MAMLD1: variants seen among roughly 807,000 people sequenced by gnomAD.
MAMLD1 encodes mastermind like domain containing 1.
Under a neutral mutation model 45.0 loss-of-function variants are expected in MAMLD1, and 14 were observed. The observed-to-expected ratio is 0.31, with a 90% CI of 0.21 to 0.49. The LOEUF is 0.49. Ranked by LOEUF, MAMLD1 falls within the 20% of genes least tolerant of loss-of-function variation. The pLI is 0.99. For synonymous variants in MAMLD1, 254 were observed against 247.8 expected, an observed-to-expected ratio of 1.02 and a Z score of -0.24; for missense variants, 543 against 603.6, an observed-to-expected ratio of 0.90 and a Z score of 1.05.
At chrX:150,452,759 C>A (rs1452426398) in intron 2 of MAMLD1, among the ~76,000 whole-genome samples, 17 of 79,579 alleles carry the variant, frequency 2.1e-4, no homozygotes, top group Non-Finnish European at 1.7e-4. Context: ...CCCCTCCCCC[C>A]ACCCCACAAC....
At chrX:150,440,825 C>T (rs1245631336) in intron 1 of MAMLD1, among the ~76,000 whole-genome samples, 4 of 103,374 alleles carry the variant, frequency 3.9e-5, no homozygotes, top group Non-Finnish European at 3.9e-5. Flanking sequence ...GTTTTTCTCT[C>T]TTTAATATTA....
Position 150,513,596 on chromosome X carries a change from T to C in MAMLD1, c.*1637T>C. On this transcript the variant is annotated 3_prime_UTR_variant, in exon 8 of 8. Transcript: ENST00000370401. The stretch of plus-strand genomic sequence containing the variant: ...CTATTGCCTTGTGTGATTCTTAATC[T>C]CTTTTGCGAACCTTTCAGTCTCCGC... 2 of 298,806 alleles carry C rather than the reference T, an allele frequency of 6.7e-6. No homozygotes were observed. Among genetic ancestry groups the C allele is most frequent in the Non-Finnish European group, 1.2e-5 (2 of 171,395 alleles). 24.6% of individuals were successfully genotyped at this position (298,806 alleles called of 1,213,427 possible).
chrX:150,438,098 G>A (rs1185400834), intron 1 of MAMLD1, among the ~76,000 whole-genome samples: 1 of 111,254 alleles, frequency 9.0e-6, no homozygotes, highest in Non-Finnish European at 1.9e-5. Flanking sequence ...CATCATTGAA[G>A]CATTACTGAG....
rs2033908557 is a variant in MAMLD1 at position 150,403,956 on chromosome X, G to GAAAGAAAGAAAGAAAGAAAGAAAGAA, written c.-64+40428_-64+40453dup. 6.1e-3 allele frequency among the ~76,000 whole-genome samples: 462 copies of GAAAGAAAGAAAGAAAGAAAGAAAGAA among 75,695 alleles called. 4 individuals are homozygous for GAAAGAAAGAAAGAAAGAAAGAAAGAA. Among genetic ancestry groups the GAAAGAAAGAAAGAAAGAAAGAAAGAA allele is most frequent in the Middle Eastern group, 0.013 (2 of 152 alleles). The allele number at this position is 75,695 out of a possible 115,157, so 65.7% of individuals were successfully genotyped here. ...GAAAGAAAGAAAAGAAAGAAAGAAA[G>GAAAGAAAGAAAGAAAGAAAGAAAGAA]AAAGAAAGAAAGAAAGAAAGAAAGA... On this transcript the variant is annotated intron_variant, in intron 1 of 7. Transcript: ENST00000370401.
At chrX:150,410,035 T>C (rs1259687600) in intron 1 of MAMLD1, among the ~76,000 whole-genome samples, 2 of 111,782 alleles carry the variant, frequency 1.8e-5, no homozygotes, top group Non-Finnish European at 3.8e-5. Flanking sequence ...ACTGGGTGTG[T>C]TCCTTGATCT....
chrX:150,489,639 T>C (rs1057131743), intron 5 of MAMLD1, among the ~76,000 whole-genome samples: 8 of 107,513 alleles, frequency 7.4e-5, no homozygotes, highest in African/African-American at 2.7e-4. Context: ...GCTCTCTCTG[T>C]GGTTGTTCAC....
intron 5 of MAMLD1, among the ~76,000 whole-genome samples, chrX:150,499,100 T>G (rs1196790855): frequency 8.9e-6 from 1 of 111,824 alleles, no homozygotes; most frequent in African/African-American, 3.3e-5. Context: ...ACAACGGAGG[T>G]TGGCTTCTGA....
intron 1 of MAMLD1, among the ~76,000 whole-genome samples, chrX:150,400,964 T>A (rs1272398216): frequency 1.8e-5 from 2 of 110,203 alleles, no homozygotes; most frequent in Non-Finnish European, 3.8e-5. Flanking sequence ...AGGATGATGC[T>A]GGCCTCATAA....
chrX:150,499,300 A>G (rs1557408434), intron 5 of MAMLD1, among the ~76,000 whole-genome samples: 1 of 112,346 alleles, frequency 8.9e-6, no homozygotes, highest in Non-Finnish European at 1.9e-5. Flanking sequence ...ACAAGCTCTC[A>G]GAAGCCAGTG....
At chrX:150,403,962 AAGAAAGAAAG>A (rs2033911660) in intron 1 of MAMLD1, among the ~76,000 whole-genome samples, 1 of 88,930 alleles carries the variant, frequency 1.1e-5, no homozygotes, top group African/African-American at 4.8e-5. Context: ...GAAAGAAAGA[AAGAAAGAAAG>A]AAAGAAAGAA....
At chrX:150,403,299 G>T (rs185092656) in intron 1 of MAMLD1, among the ~76,000 whole-genome samples, 8 of 111,628 alleles carry the variant, frequency 7.2e-5, no homozygotes, top group Non-Finnish European at 9.4e-5. Context: ...AGGGACTGAG[G>T]TGGGGTGTGG....
intron 2 of MAMLD1, among the ~76,000 whole-genome samples, chrX:150,456,965 G>C (rs782119940): frequency 6.2e-5 from 7 of 112,768 alleles, no homozygotes; most frequent in African/African-American, 2.3e-4. Context: ...GCCAGGAAGA[G>C]AGTGCAATGT....
At chrX:150,381,219 A>G (rs2032592803) in intron 1 of MAMLD1, among the ~76,000 whole-genome samples, 3 of 111,962 alleles carry the variant, frequency 2.7e-5, no homozygotes, top group Non-Finnish European at 5.6e-5. Context: ...GTGATTTTTA[A>G]CAGCCTTTTA....
At chrX:150,411,253 T>A (rs892772213) in intron 1 of MAMLD1, among the ~76,000 whole-genome samples, 2 of 112,035 alleles carry the variant, frequency 1.8e-5, no homozygotes, top group Non-Finnish European at 3.8e-5. Flanking sequence ...GCCTGACCAG[T>A]GCTCCGTTCC....
rs192934157 is a variant in MAMLD1, at chrX:150,380,888, G to A, written c.-64+17358G>A. On this transcript the variant is annotated intron_variant, in intron 1 of 7. Coordinates refer to ENST00000370401, the MANE Select transcript of MAMLD1 (RefSeq NM_005491.5). ...TTTTTTTTTTTTAATGTTTTGTAGA[G>A]AGTGGATATTGCTATGTTGCTCAGG... is the stretch of plus-strand genomic sequence containing the variant. Among the ~76,000 whole-genome samples the A allele has an allele frequency of 5.3e-3, 581 of 109,255 alleles. 2 individuals carry two copies. Among genetic ancestry groups the A allele is most frequent in the African/African-American group, 0.019 (560 of 29,954 alleles). The allele number at this position is 109,255 out of a possible 115,157, so 94.9% of individuals were successfully genotyped here.
At chrX:150,499,876 T>C (rs1442680508) in intron 5 of MAMLD1, among the ~76,000 whole-genome samples, 2 of 111,680 alleles carry the variant, frequency 1.8e-5, no homozygotes, top group Admixed American at 1.9e-4. Context: ...CCCACCAGCA[T>C]TGAAAAGAGA....
At chrX:150,429,329 C>G (rs906280504) in intron 1 of MAMLD1, among the ~76,000 whole-genome samples, 1 of 94,507 alleles carries the variant, frequency 1.1e-5, no homozygotes, top group Admixed American at 1.1e-4. Context: ...GTACAAACAT[C>G]AAAAGTTGAT....
intron 6 of MAMLD1, among the ~76,000 whole-genome samples, chrX:150,507,778 C>T (rs1002430112): frequency 4.4e-5 from 5 of 112,539 alleles, no homozygotes; most frequent in South Asian, 3.7e-4. Flanking sequence ...TTGTCTGGCA[C>T]GCCCCTGGGC....
intron 4 of MAMLD1, among the ~76,000 whole-genome samples, chrX:150,471,982 G>A (rs1189913879): frequency 8.9e-6 from 1 of 112,188 alleles, no homozygotes; most frequent in Admixed American, 9.4e-5. Flanking sequence ...ACTCAGTCAG[G>A]TCGTGAAAGG....
Sources: gnomAD v4.1 joint callset for allele counts (sites outside exome capture counted in the v4.1 genomes callset) on GRCh38, gnomAD v4.1.1 for gene constraint, MANE v1.5 for transcripts, NCBI Gene and HGNC (gene_info 2026-07-23, HGNC 2026-07-21) for gene names.